SPATA6: variants seen among roughly 807,000 people sequenced by gnomAD.
SPATA6 encodes spermatogenesis-associated protein 6.
SPATA6 carries 56 observed loss-of-function variants against 65.3 expected under a neutral mutation model. That is an observed-to-expected ratio of 0.86 (90% confidence interval 0.69 to 1.07). The LOEUF is 1.07. Among genes scored for constraint, SPATA6 ranks in the 50% least tolerant of loss-of-function variants. The pLI, the probability that SPATA6 is intolerant of heterozygous loss-of-function variation, is 0.00. For synonymous variants in SPATA6, 199 were observed against 213.2 expected, an observed-to-expected ratio of 0.93 and a Z score of 0.58; for missense variants, 590 against 594.8, an observed-to-expected ratio of 0.99 and a Z score of 0.08.
intron 1 of SPATA6, among the ~76,000 whole-genome samples, chr1:48,457,475 C>G (rs148018923): frequency 2.2e-3 from 329 of 152,068 alleles, no homozygotes; most frequent in Non-Finnish European, 3.6e-3. Flanking sequence ...AATGAACTCT[C>G]AAGAAGAGAG....
At chr1:48,270,344 G>T in the SPATA6 span, among the ~76,000 whole-genome samples, 2 of 152,054 alleles carry the variant, frequency 1.3e-5, no homozygotes, top group Non-Finnish European at 2.9e-5. Context: ...AATGCGTAAA[G>T]GTAAGTTCAC....
chr1:48,319,173 A>G (rs1645526562), intron 11 of SPATA6, among the ~76,000 whole-genome samples: 1 of 152,200 alleles, frequency 6.6e-6, no homozygotes, highest in Non-Finnish European at 1.5e-5. Context: ...CTTAGAAAAC[A>G]TAGGCATAAA....
chr1:48,355,851 G>T, intron 10 of SPATA6, 82 bp from the exon 11 acceptor site: 1 of 1,060,002 alleles, frequency 9.4e-7, no homozygotes, highest in Non-Finnish European at 1.4e-6. Flanking sequence ...TTCACAGTAT[G>T]TTCAACAAAT....
chr1:48,291,923 A>T (rs1644770676), downstream of SPATA6, among the ~76,000 whole-genome samples: 1 of 152,048 alleles, frequency 6.6e-6, no homozygotes, highest in Non-Finnish European at 1.5e-5. Flanking sequence ...TGGGTTTTTT[A>T]AATCTCTTTG....
At chr1:48,440,016 C>G (rs566518234) in intron 3 of SPATA6, among the ~76,000 whole-genome samples, 1 of 152,248 alleles carries the variant, frequency 6.6e-6, no homozygotes, top group East Asian at 1.9e-4. Context: ...CTATGCAAAG[C>G]TTGCAATTTA....
At chr1:48,293,245 C>A (rs1644780034), downstream of SPATA6, among the ~76,000 whole-genome samples, 1 of 152,234 alleles carries the variant, frequency 6.6e-6, no homozygotes, top group African/African-American at 2.4e-5. Context: ...GACACTCACC[C>A]TGCTCTCATT....
At chr1:48,342,451 T>G (rs1346633580) in intron 11 of SPATA6, among the ~76,000 whole-genome samples, 2 of 151,762 alleles carry the variant, frequency 1.3e-5, no homozygotes, top group Non-Finnish European at 2.9e-5. Context: ...CCTTATCTAT[T>G]AAAAATACAA....
chr1:48,359,968 T>C (rs1343930343), intron 9 of SPATA6, among the ~76,000 whole-genome samples, 198 bp from the exon 10 acceptor site: 1 of 152,122 alleles, frequency 6.6e-6, no homozygotes, highest in Admixed American at 6.6e-5. Flanking sequence ...AGATTAAATA[T>C]TAAATGTATC....
chr1:48,434,541 T>C (rs1405377219), intron 3 of SPATA6, among the ~76,000 whole-genome samples: 2 of 152,124 alleles, frequency 1.3e-5, no homozygotes, highest in Admixed American at 1.3e-4. Flanking sequence ...CTGTTTTATA[T>C]ATGTTGGTAA....
At chr1:48,303,084 A>G (rs530146196) in intron 12 of SPATA6, among the ~76,000 whole-genome samples, 1 of 152,190 alleles carries the variant, frequency 6.6e-6, no homozygotes, top group South Asian at 2.1e-4. Flanking sequence ...TCCAGGTTAT[A>G]ATGTCACAGA....
rs1646637606 is a variant in SPATA6 at position 48,355,655 on chromosome 1, A to T, written c.1194+15T>A. 4 of 1,591,944 alleles carry T rather than the reference A, an allele frequency of 2.5e-6. No individual in the cohort carries two copies. Among genetic ancestry groups the T allele is most frequent in the Non-Finnish European group, 2.6e-6 (3 of 1,167,028 alleles). On this transcript the variant is annotated intron_variant, in intron 11 of 12. Transcript: ENST00000371847. ...TATTATAAATAGTCTTCAAAAAAAA[A>T]TTTTAGAAACTAACATATAAATGTC...
intron 1 of SPATA6, among the ~76,000 whole-genome samples, chr1:48,467,681 A>C (rs1657915359): frequency 6.6e-6 from 1 of 152,126 alleles, no homozygotes; most frequent in South Asian, 2.1e-4. Flanking sequence ...TTAATATCCA[A>C]AATATGTAAG....
chr1:48,470,863 C>G (rs181976728), intron 1 of SPATA6, among the ~76,000 whole-genome samples: 149 of 152,044 alleles, frequency 9.8e-4, no homozygotes, highest in Middle Eastern at 3.4e-3. Flanking sequence ...CCTAGGAGAT[C>G]AAACAGAAGG....
chr1:48,464,977 T>C (rs1398675178), intron 1 of SPATA6, among the ~76,000 whole-genome samples: 7 of 152,158 alleles, frequency 4.6e-5, no homozygotes, highest in African/African-American at 1.7e-4. Flanking sequence ...ATAGCATTCT[T>C]TGTTTACCAG....
At chr1:48,384,994 T>C (rs1570405553) in intron 9 of SPATA6, among the ~76,000 whole-genome samples, 1 of 152,256 alleles carries the variant, frequency 6.6e-6, no homozygotes, top group East Asian at 1.9e-4. Context: ...TGACTGAAAT[T>C]TGGAAATAAT....
chr1:48,366,851 T>A (rs932871445), intron 9 of SPATA6, among the ~76,000 whole-genome samples: 1 of 152,216 alleles, frequency 6.6e-6, no homozygotes, highest in African/African-American at 2.4e-5. Context: ...TTGAATGTGT[T>A]TGCTCTTGCT....
the SPATA6 span, among the ~76,000 whole-genome samples, chr1:48,271,835 T>C: frequency 6.6e-6 from 1 of 152,084 alleles, no homozygotes; most frequent in Admixed American, 6.6e-5. Context: ...GAAATGACCC[T>C]TCCCTAGAAG....
rs374622327 is a variant in SPATA6, at chr1:48,461,456, GT to G, written c.52-8326del. Among the ~76,000 whole-genome samples the G allele has an allele frequency of 0.019, 2,924 of 152,144 alleles. 119 individuals are homozygous for G. In the East Asian group the frequency reaches 0.2, roughly 10 times the overall value. On this transcript the variant is annotated intron_variant, in intron 1 of 12. Coordinates refer to ENST00000371847, the MANE Select transcript of SPATA6 (RefSeq NM_019073.4). ...GGTAATGCCTAGGTTTTCTTCTAGG[GT>G]TTTTATGGTTTTAGGTCTAACATTT...
At chr1:48,355,010 AC>A (rs371846083) in intron 11 of SPATA6, among the ~76,000 whole-genome samples, 5 of 151,838 alleles carry the variant, frequency 3.3e-5, no homozygotes, top group African/African-American at 4.8e-5. Flanking sequence ...AACCCCTTAT[AC>A]CCCCCCAAGA....
Sources: gnomAD v4.1 joint callset for allele counts (sites outside exome capture counted in the v4.1 genomes callset) on GRCh38, gnomAD v4.1.1 for gene constraint, MANE v1.5 for transcripts, NCBI Gene and HGNC (gene_info 2026-07-23, HGNC 2026-07-21) for gene names.